The following PKIB variants were observed in gnomAD, a reference collection of about 807,000 sequenced individuals.
PKIB encodes PKI-beta.
A neutral mutation model predicts 4.5 loss-of-function variants in PKIB; 2 were observed. The ratio of observed to expected loss-of-function variants is 0.44; its 90% confidence interval spans 0.18 to 1.39. The LOEUF (loss-of-function observed/expected upper bound fraction) is 1.39, where lower values mean the gene tolerates loss of function less well. Among genes scored for constraint, PKIB ranks in the 40% most tolerant of loss-of-function variants. The pLI is 0.27. For missense variants in PKIB, 94 were observed against 92.6 expected, an observed-to-expected ratio of 1.02 and a Z score of -0.06; for synonymous variants, 38 against 36.0, an observed-to-expected ratio of 1.06 and a Z score of -0.20.
intron 2 of PKIB, among the ~76,000 whole-genome samples, chr6:122,489,705 C>T (rs1287504841): frequency 6.6e-6 from 1 of 152,178 alleles, no homozygotes; most frequent in Non-Finnish European, 1.5e-5. Context: ...TTTCTCCTTT[C>T]CTGTTACAGA....
intron 2 of PKIB, among the ~76,000 whole-genome samples, chr6:122,517,543 A>T (rs576570402): frequency 1.3e-5 from 2 of 152,316 alleles, no homozygotes; most frequent in Admixed American, 6.5e-5. Context: ...TCTCATAATT[A>T]TTCAGAGACA....
chr6:122,496,665 A>T (rs1242628029), intron 2 of PKIB, among the ~76,000 whole-genome samples: 1 of 152,186 alleles, frequency 6.6e-6, no homozygotes, highest in African/African-American at 2.4e-5. Flanking sequence ...AAACTAATCC[A>T]GTCAGACAAA....
chr6:122,561,943 T>TG (rs1164275626), intron 2 of PKIB, among the ~76,000 whole-genome samples: 3 of 150,860 alleles, frequency 2.0e-5, no homozygotes, highest in Non-Finnish European at 4.4e-5. Context: ...GAGGTACCCT[T>TG]GCGTTCATCA....
chr6:122,475,344 T>G (rs1015601587), intron 1 of PKIB, among the ~76,000 whole-genome samples: 7 of 152,234 alleles, frequency 4.6e-5, no homozygotes, highest in African/African-American at 1.7e-4. Context: ...TCGCCACCTC[T>G]TGTAATTCCT....
At chr6:122,526,750 G>A (rs1178847683) in intron 2 of PKIB, among the ~76,000 whole-genome samples, 1 of 151,970 alleles carries the variant, frequency 6.6e-6, no homozygotes, top group African/African-American at 2.4e-5. Context: ...TTTCAGAATG[G>A]TAATAATTTT....
At chr6:122,536,555 T>A (rs1184712241) in intron 2 of PKIB, among the ~76,000 whole-genome samples, 1 of 152,206 alleles carries the variant, frequency 6.6e-6, no homozygotes, top group East Asian at 1.9e-4. Context: ...GTGAATGTGA[T>A]AAACATAAAA....
intron 2 of PKIB, among the ~76,000 whole-genome samples, chr6:122,581,496 T>A (rs1337268008): frequency 6.6e-6 from 1 of 152,126 alleles, no homozygotes; most frequent in Admixed American, 6.6e-5. Flanking sequence ...ACAAAGGACT[T>A]AAATAGATTT....
chr6:122,622,479 A>T (rs1169415529), intron 1 of PKIB, among the ~76,000 whole-genome samples: 2 of 152,200 alleles, frequency 1.3e-5, no homozygotes, highest in East Asian at 3.9e-4. Context: ...CTATCATTGG[A>T]GAACATTCCG....
intron 1 of PKIB, among the ~76,000 whole-genome samples, chr6:122,620,714 C>T (rs1436501774): frequency 6.6e-6 from 1 of 151,884 alleles, no homozygotes; most frequent in Non-Finnish European, 1.5e-5. Context: ...TGCTCGTGTT[C>T]CTATTTAATT....
chr6:122,560,872 G>T (rs769950259), intron 2 of PKIB, among the ~76,000 whole-genome samples: 2 of 151,740 alleles, frequency 1.3e-5, no homozygotes, highest in African/African-American at 2.4e-5. Context: ...GTATTTCAGT[G>T]GTGTCAGTTG....
chr6:122,705,955 G>A (rs1443987988), intron 3 of PKIB, among the ~76,000 whole-genome samples: 6 of 152,076 alleles, frequency 3.9e-5, no homozygotes, highest in Admixed American at 2.6e-4. Context: ...ATTGTTCATG[G>A]CATTCATTTT....
At chr6:122,635,385 C>T (rs1775875835) in intron 2 of PKIB, among the ~76,000 whole-genome samples, 1 of 152,000 alleles carries the variant, frequency 6.6e-6, no homozygotes, top group African/African-American at 2.4e-5. Flanking sequence ...AGCTAAAACA[C>T]TACGTTTAAG....
At chr6:122,655,790 C>T (rs1267111614) in intron 2 of PKIB, among the ~76,000 whole-genome samples, 1 of 152,020 alleles carries the variant, frequency 6.6e-6, no homozygotes, top group Non-Finnish European at 1.5e-5. Flanking sequence ...ATTGGATAGC[C>T]TTTATAAGGC....
At chr6:122,523,299 AT>A (rs1272689228) in intron 2 of PKIB, among the ~76,000 whole-genome samples, 2 of 152,050 alleles carry the variant, frequency 1.3e-5, no homozygotes, top group Non-Finnish European at 2.9e-5. Flanking sequence ...ACATTAATCT[AT>A]TTCTGTGTGT....
intron 1 of PKIB, among the ~76,000 whole-genome samples, chr6:122,614,529 G>A (rs1017243983): frequency 2.0e-5 from 3 of 152,084 alleles, no homozygotes; most frequent in African/African-American, 7.2e-5. Flanking sequence ...GCATCCCCAT[G>A]GGGGTGTGGG....
chr6:122,479,691 G>A (rs1014434181), intron 2 of PKIB: 4 of 152,080 alleles, frequency 2.6e-5, no homozygotes, highest in Non-Finnish European at 5.9e-5. Context: ...TTCCTTTGGC[G>A]AGCAGTTATA....
At chr6:122,606,607 G>T (rs371465279), upstream of PKIB, among the ~76,000 whole-genome samples, 15 of 151,248 alleles carry the variant, frequency 9.9e-5, no homozygotes, top group East Asian at 3.9e-4. Context: ...GACAAAAGAG[G>T]GTTCTCCCCT....
chr6:122,663,564 G>A (rs773421474), intron 2 of PKIB, among the ~76,000 whole-genome samples: 20 of 152,290 alleles, frequency 1.3e-4, no homozygotes, highest in Non-Finnish European at 2.1e-4. Flanking sequence ...GATGCCTAGA[G>A]GGGAGGATCC....
At chr6:122,498,291 G>C (rs574797843) in intron 2 of PKIB, among the ~76,000 whole-genome samples, 1 of 152,286 alleles carries the variant, frequency 6.6e-6, no homozygotes, top group East Asian at 1.9e-4. Context: ...CGCAGGGAAA[G>C]TCCCATTTTT....
Sources: allele counts gnomAD v4.1 joint callset (sites outside exome capture counted in the v4.1 genomes callset), GRCh38; gene constraint gnomAD v4.1.1; transcripts MANE v1.5; gene names NCBI Gene and HGNC (gene_info 2026-07-23, HGNC 2026-07-21).